The following RRP12 variants were observed in gnomAD, a reference collection of about 807,000 sequenced individuals.
RRP12 encodes ribosomal RNA processing 12 homolog, also known as RRP12-like protein.
In RRP12, 78 loss-of-function variants were observed where a neutral mutation model predicts 157.3. The observed-to-expected ratio is 0.50, with a 90% CI of 0.41 to 0.60. The LOEUF is 0.60. Ranked by LOEUF, RRP12 falls within the 20% of genes least tolerant of loss-of-function variation. RRP12 has a pLI of 0.00. For missense variants in RRP12, 1,521 were observed against 1,679.9 expected (o/e 0.91, Z 1.65); for synonymous variants, 726 against 670.9 (o/e 1.08, Z -1.27).
intron 3 of RRP12, among the ~76,000 whole-genome samples, chr10:97,394,967 A>T (rs1168100802): frequency 6.6e-6 from 1 of 151,236 alleles, no homozygotes; most frequent in Non-Finnish European, 1.5e-5. Flanking sequence ...ACATGACGAA[A>T]CTCTGTCTCT....
chr10:97,385,293 G>A lies in RRP12; in HGVS notation c.1117-36C>T, dbSNP rs558857810. 1.2e-5 allele frequency: 18 copies of A among 1,520,112 alleles called. No homozygotes were observed. In the African/African-American group the frequency reaches 1.5e-4, roughly 13 times the overall value. The allele number at this position is 1,520,112 out of a possible 1,614,324, so 94.2% of individuals were successfully genotyped here. On this transcript the variant is annotated intron_variant, in intron 9 of 33. Transcript: ENST00000370992. Reference sequence around the variant, plus strand: ...GAATAAGCAGGTGACTGAGCATGCAGGGTCTGCAATAGCCCAGTGATGATG... The same window carrying A: ...GAATAAGCAGGTGACTGAGCATGCAAGGTCTGCAATAGCCCAGTGATGATG...
At chr10:97,381,066 G>C (rs1844454090) in intron 12 of RRP12, among the ~76,000 whole-genome samples, 153 bp from the exon 13 acceptor site, 1 of 152,228 alleles carries the variant, frequency 6.6e-6, no homozygotes, top group African/African-American at 2.4e-5. Context: ...TAACATTTGT[G>C]ACATGCCCAC....
In RRP12 at chr10:97,380,922, G is replaced by T. The variant is rs771474529; in HGVS notation, c.1419-9C>A. 6.2e-7 allele frequency: 1 copy of T among 1,611,060 alleles called. No homozygotes were observed. The highest frequency in any genetic ancestry group is 1.1e-5 in the South Asian group (1 of 91,026). ...GGCCCTCCTCCACTGCCCTGCCAAG[G>T]GGGCGGCACAGTCAGGGCCACGGTC... is the stretch of plus-strand genomic sequence containing the variant. On this transcript the variant is annotated splice_polypyrimidine_tract_variant and intron_variant, in intron 12 of 33. Coordinates refer to ENST00000370992, the MANE Select transcript of RRP12 (RefSeq NM_015179.4).
Position 97,401,124 on chromosome 10 carries a change from G to T in RRP12, c.108C>A (p.Ala36=), listed in dbSNP as rs146510991. The stretch of plus-strand genomic sequence containing the variant: ...GCCGGCTGAAGAAGCGGCTGCGGGC[G>T]GCCTGACGGTGGCGGCAGATGGCGG... The part of the protein sequence containing the change: ...SNPAICRHRQ[A]ARSRFFSRPS... Residue 36 remains alanine, a synonymous_variant, in exon 1 of 34, where the codon GCC becomes GCA. Transcript: ENST00000370992. 1 of 1,613,732 alleles carries T rather than the reference G, an allele frequency of 6.2e-7. No homozygotes were observed. The highest frequency in any genetic ancestry group is 1.3e-5 in the African/African-American group (1 of 74,928).
chr10:97,373,804 C>A (rs1461666611), intron 16 of RRP12, 26 bp downstream of exon 16: 2 of 1,613,662 alleles, frequency 1.2e-6, no homozygotes, highest in Non-Finnish European at 1.7e-6. Context: ...TGCTTCTCCC[C>A]ACGCCCTCCC....
intron 1 of RRP12, 145 bp downstream of exon 1, chr10:97,400,948 T>C: frequency 1.9e-6 from 2 of 1,034,848 alleles, no homozygotes; most frequent in Non-Finnish European, 1.4e-6. Flanking sequence ...AGGACTGCCC[T>C]TCAGAGAGGG....
chr10:97,360,481 A>ACACCCCTTCCTGTGT (rs1843813357), intron 31 of RRP12, 65 bp downstream of exon 31: 1 of 1,335,050 alleles, frequency 7.5e-7, no homozygotes, highest in Admixed American at 1.7e-5. Context: ...CCTTCCTGTG[A>ACACCCCTTCCTGTGT]CTCCCCTCCC....
intron 31 of RRP12, among the ~76,000 whole-genome samples, chr10:97,359,933 C>T (rs921657443): frequency 6.6e-6 from 1 of 152,240 alleles, no homozygotes; most frequent in East Asian, 1.9e-4. Context: ...GAATCAGAGG[C>T]TTCCCACAGG....
In RRP12 at chr10:97,366,159, T is replaced by C. The variant is rs1488992138; in HGVS notation, c.3466A>G (p.Ile1156Val). Residue 1156 changes from isoleucine (I) to valine (V), a missense_variant, in exon 29 of 34, where the codon ATA (isoleucine) becomes GTA (valine). Physicochemically the swap from Ile to Val is conservative, Grantham distance 29 (BLOSUM62 3). Coordinates refer to ENST00000370992, the MANE Select transcript of RRP12 (RefSeq NM_015179.4). The stretch of plus-strand genomic sequence containing the variant: ...TTGTTGCCGTCTGCCTCCTCCCTTA[T>C]GATCAGCCGGCCATCGGCGCTCACC... The part of the protein sequence containing the change: ...FKVSADGRLI[I>V]REEADGNKME... 1 of 1,608,378 alleles carries C rather than the reference T, an allele frequency of 6.2e-7. No homozygotes were observed. The highest frequency in any genetic ancestry group is 1.3e-5 in the African/African-American group (1 of 74,656).
intron 33 of RRP12, among the ~76,000 whole-genome samples, chr10:97,357,477 C>T (rs1333265241): frequency 6.6e-6 from 1 of 152,154 alleles, no homozygotes; most frequent in Non-Finnish European, 1.5e-5. Context: ...TCCCTCTGCC[C>T]ACCCATCCCT....
chr10:97,393,572 T>C, intron 4 of RRP12, 112 bp downstream of exon 4: 2 of 883,282 alleles, frequency 2.3e-6, no homozygotes, highest in Non-Finnish European at 3.7e-6. Context: ...ACAATGTTCA[T>C]GAAGAGCAAG....
Position 97,371,006 on chromosome 10 carries a change from C to T in RRP12, c.2419G>A (p.Ala807Thr), listed in dbSNP as rs766446844. 3 of 1,613,952 alleles carry T rather than the reference C, an allele frequency of 1.9e-6. No homozygotes were observed. Among genetic ancestry groups the T allele is most frequent in the South Asian group, 2.2e-5 (2 of 91,062 alleles). The change falls in exon 21 of 34, where the codon GCC (alanine) becomes ACC (threonine). Residue 807 changes from alanine to threonine, a missense_variant. Coordinates refer to ENST00000370992, the MANE Select transcript of RRP12 (RefSeq NM_015179.4). ...EVCASPQGPG[A>T]LFVQSHLEDL... ...TCCAGGTGGCTCTGCACGAAGAGGG[C>T]CCCGGGGCCCTGAGGACTGGCACAC...
intron 3 of RRP12, among the ~76,000 whole-genome samples, chr10:97,394,681 C>T (rs1355883026): frequency 6.6e-6 from 1 of 152,222 alleles, no homozygotes; most frequent in Non-Finnish European, 1.5e-5. Context: ...TGAGCCACCA[C>T]ACCCAGCCAA....
At chr10:97,389,228 G>C (rs1213835387) in intron 6 of RRP12, among the ~76,000 whole-genome samples, 1 of 152,038 alleles carries the variant, frequency 6.6e-6, no homozygotes, top group African/African-American at 2.4e-5. Context: ...CGAGCAGCTG[G>C]GACTACAGGC....
intron 10 of RRP12, among the ~76,000 whole-genome samples, chr10:97,383,787 C>T (rs1844535037): frequency 6.6e-6 from 1 of 152,200 alleles, no homozygotes; most frequent in South Asian, 2.1e-4. Flanking sequence ...AAGGATATCC[C>T]ATGGCCAGGA....
Position 97,374,011 on chromosome 10 carries a change from C to A in RRP12, c.1799-117G>T, listed in dbSNP as rs1298573784. 5.3e-6 allele frequency: 4 copies of A among 752,564 alleles called. No individual in the cohort carries two copies. The South Asian group carries it at 6.1e-5, about 11-fold the overall frequency. The allele number at this position is 752,564 out of a possible 1,614,324, so 46.6% of individuals were successfully genotyped here. A position where few individuals can be genotyped will look rare whatever the true frequency, so the allele number is the denominator to read the frequency against. ...GACAGGAATATGGGTGACTTCCCCC[C>A]ATCTCCATGAATTAAATCATACTTG... On this transcript the variant is annotated intron_variant, in intron 15 of 33. Coordinates refer to ENST00000370992, the MANE Select transcript of RRP12 (RefSeq NM_015179.4).
At chr10:97,360,702 C>A in intron 30 of RRP12, 84 bp from the exon 31 acceptor site, 1 of 1,007,232 alleles carries the variant, frequency 9.9e-7, no homozygotes, top group Admixed American at 1.7e-5. Context: ...GCAGAGTACC[C>A]TGCATCAAGC....
intron 13 of RRP12, among the ~76,000 whole-genome samples, chr10:97,380,225 AC>A (rs1192584593): frequency 6.6e-6 from 1 of 152,076 alleles, no homozygotes; most frequent in Non-Finnish European, 1.5e-5. Context: ...CTTGATGGAG[AC>A]CCTGTCCTCC....
intron 33 of RRP12, among the ~76,000 whole-genome samples, chr10:97,357,764 C>G (rs1188739539): frequency 6.6e-6 from 1 of 151,648 alleles, no homozygotes; most frequent in African/African-American, 2.4e-5. Context: ...CAAGACCATC[C>G]TGGGTAACAC....
Sources: allele counts gnomAD v4.1 joint callset (sites outside exome capture counted in the v4.1 genomes callset), GRCh38; gene constraint gnomAD v4.1.1; transcripts MANE v1.5; gene names NCBI Gene and HGNC (gene_info 2026-07-23, HGNC 2026-07-21).